Variants in SGCD observed in about 807,000 individuals in gnomAD.
SGCD encodes sarcoglycan delta, also known as delta-sarcoglycan.
Under a neutral mutation model 36.6 loss-of-function variants are expected in SGCD, and 18 were observed. The ratio of observed to expected loss-of-function variants is 0.49; its 90% CI spans 0.34 to 0.73. The LOEUF is 0.73. SGCD is among the 30% of genes least tolerant of loss of function. SGCD has a pLI of 0.01. For synonymous variants in SGCD, 133 were observed against 130.6 expected (o/e 1.02, Z -0.12); for missense variants, 387 against 346.7 (o/e 1.12, Z -0.92).
At chr5:156,748,736 A>C (rs1757037358) in intron 7 of SGCD, among the ~76,000 whole-genome samples, 1 of 152,224 alleles carries the variant, frequency 6.6e-6, no homozygotes, top group Non-Finnish European at 1.5e-5. Flanking sequence ...ACTGAAGAAC[A>C]CATTCTCTTC....
the SGCD span, among the ~76,000 whole-genome samples, chr5:155,835,830 G>A: frequency 6.6e-6 from 1 of 152,126 alleles, no homozygotes. Flanking sequence ...CAATTTGTAA[G>A]TTTTACCTTG....
intron 7 of SGCD, among the ~76,000 whole-genome samples, chr5:156,742,498 A>G (rs1008299314): frequency 7.7e-6 from 1 of 129,432 alleles, no homozygotes. Context: ...AATCCAAATC[A>G]CCATCTTCTT....
chr5:156,427,192 A>G (rs1773710358), intron 3 of SGCD, among the ~76,000 whole-genome samples: 1 of 152,046 alleles, frequency 6.6e-6, no homozygotes, highest in Non-Finnish European at 1.5e-5. Context: ...ATGTGTTTCC[A>G]TTTGTTTGTG....
chr5:156,373,312 A>G (rs1302591622), intron 3 of SGCD, among the ~76,000 whole-genome samples: 1 of 152,156 alleles, frequency 6.6e-6, no homozygotes, highest in Admixed American at 6.5e-5. Flanking sequence ...ACAGGATCTC[A>G]TATTTTTGTA....
chr5:156,346,265 C>G (rs1768929277), intron 3 of SGCD, among the ~76,000 whole-genome samples: 1 of 151,968 alleles, frequency 6.6e-6, no homozygotes, highest in Non-Finnish European at 1.5e-5. Context: ...GAAAATAATT[C>G]AGTTCTTTCT....
intron 1 of SGCD, among the ~76,000 whole-genome samples, chr5:156,038,281 G>C (rs914363856): frequency 2.0e-5 from 3 of 152,056 alleles, no homozygotes; most frequent in African/African-American, 7.2e-5. Context: ...AAGTATCAAG[G>C]TCATGAAAGA....
At chr5:155,820,037 G>C in the SGCD span, among the ~76,000 whole-genome samples, 8 of 152,144 alleles carry the variant, frequency 5.3e-5, no homozygotes, top group African/African-American at 1.9e-4. Context: ...GTTATTTGGA[G>C]CTCTTAGTAT....
intron 1 of SGCD, among the ~76,000 whole-genome samples, chr5:155,874,022 C>T (rs1755712469): frequency 6.6e-6 from 1 of 152,070 alleles, no homozygotes; most frequent in African/African-American, 2.4e-5. Flanking sequence ...ACATTTACAC[C>T]ATTGCTCATA....
chr5:156,341,040 G>T (rs1768625833), intron 2 of SGCD, among the ~76,000 whole-genome samples: 1 of 152,250 alleles, frequency 6.6e-6, no homozygotes, highest in Admixed American at 6.5e-5. Context: ...TTGGAGACTG[G>T]AGTATTCTGT....
intron 6 of SGCD, among the ~76,000 whole-genome samples, chr5:156,627,129 T>G (rs769225113): frequency 2.0e-5 from 3 of 152,216 alleles, no homozygotes; most frequent in Non-Finnish European, 2.9e-5. Flanking sequence ...TCCCTGGATC[T>G]CTAAAAGTTC....
At chr5:156,120,247 G>A (rs904226142) in intron 2 of SGCD, among the ~76,000 whole-genome samples, 10 of 152,110 alleles carry the variant, frequency 6.6e-5, no homozygotes, top group Non-Finnish European at 1.3e-4. Flanking sequence ...GCAGAAAGAG[G>A]TGTGTAGGGG....
chr5:156,164,392 C>A (rs1259260659), intron 3 of SGCD, among the ~76,000 whole-genome samples: 5 of 147,016 alleles, frequency 3.4e-5, no homozygotes, highest in African/African-American at 1.1e-4. Flanking sequence ...CCTTTTTTTT[C>A]CCCTTTCTTT....
chr5:156,703,951 A>T (rs1202269290), intron 7 of SGCD: 1 of 152,098 alleles, frequency 6.6e-6, no homozygotes, highest in Non-Finnish European at 1.5e-5. Flanking sequence ...CCACTGAGGG[A>T]GGAATGAACC....
intron 3 of SGCD, among the ~76,000 whole-genome samples, chr5:156,399,903 C>G (rs1479886224): frequency 2.0e-5 from 3 of 152,086 alleles, no homozygotes; most frequent in Non-Finnish European, 4.4e-5. Flanking sequence ...TATATATTGA[C>G]AATCATGTGA....
At chr5:156,456,605 A>C (rs1384979595) in intron 3 of SGCD, among the ~76,000 whole-genome samples, 2 of 152,166 alleles carry the variant, frequency 1.3e-5, no homozygotes, top group African/African-American at 4.8e-5. Context: ...AAGAACAGAG[A>C]TAAATTGAGG....
intron 1 of SGCD, among the ~76,000 whole-genome samples, chr5:155,927,755 A>G (rs1461320321): frequency 6.6e-6 from 1 of 152,060 alleles, no homozygotes; most frequent in Non-Finnish European, 1.5e-5. Flanking sequence ...TCATTTTGTC[A>G]TTGTCTCAGA....
At chr5:156,665,114 G>C (rs902022130) in intron 7 of SGCD, among the ~76,000 whole-genome samples, 2 of 152,154 alleles carry the variant, frequency 1.3e-5, no homozygotes, top group East Asian at 1.9e-4. Context: ...GGGGGTGGCC[G>C]ATACTGAAGT....
the SGCD span, among the ~76,000 whole-genome samples, chr5:155,744,363 G>C: frequency 6.6e-6 from 1 of 152,132 alleles, no homozygotes; most frequent in African/African-American, 2.4e-5. Context: ...AGGAGGCTGA[G>C]GCAGGAGAAT....
At chr5:156,441,255 A>G (rs760018143) in intron 3 of SGCD, among the ~76,000 whole-genome samples, 1 of 152,172 alleles carries the variant, frequency 6.6e-6, no homozygotes, top group Non-Finnish European at 1.5e-5. Flanking sequence ...TACATTGGTC[A>G]TAGACACAGC....
Sources: allele counts gnomAD v4.1 joint callset (sites outside exome capture counted in the v4.1 genomes callset), GRCh38; gene constraint gnomAD v4.1.1; transcripts MANE v1.5; gene names NCBI Gene and HGNC (gene_info 2026-07-23, HGNC 2026-07-21).